The following GRK5 variants were observed in gnomAD, a reference collection of about 807,000 sequenced individuals.
The protein encoded by GRK5 is g protein-coupled receptor kinase GRK5.
A neutral mutation model predicts 78.4 loss-of-function variants in GRK5; 40 were observed. The ratio of observed to expected loss-of-function variants is 0.51; its 90% CI spans 0.40 to 0.66. The LOEUF (loss-of-function observed/expected upper bound fraction) is 0.66, where lower values mean the gene tolerates loss of function less well. GRK5 is among the 30% of genes least tolerant of loss of function. GRK5 has a pLI of 0.00. For missense variants in GRK5, 598 were observed against 759.9 expected (o/e 0.79, Z 2.50); for synonymous variants, 289 against 296.8 (o/e 0.97, Z 0.27).
In GRK5 at chr10:119,455,146, CTCTGG is replaced by C; in HGVS notation, c.*81_*85del. The C allele has an allele frequency of 2.6e-6, 3 of 1,171,430 alleles. No homozygotes were observed. The highest frequency in any genetic ancestry group is 3.8e-6 in the Non-Finnish European group (3 of 781,946). 72.6% of individuals were successfully genotyped at this position (1,171,430 alleles called of 1,614,324 possible). Reference sequence around the variant, plus strand: ...AGAAGTGGAAGTAGTGGAGCCCCTGCTCTGGTGGGGCTGCCAGGGGAGACCCCGGG... The same window carrying C: ...AGAAGTGGAAGTAGTGGAGCCCCTGCTGGGGCTGCCAGGGGAGACCCCGGG... On this transcript the variant is annotated 3_prime_UTR_variant, in exon 16 of 16. Transcript: ENST00000392870.
chr10:119,450,671 C>T (rs1161906909), intron 13 of GRK5, among the ~76,000 whole-genome samples: 8 of 152,106 alleles, frequency 5.3e-5, no homozygotes, highest in Non-Finnish European at 8.8e-5. Flanking sequence ...GAGACAGGGA[C>T]AGTTGGTCAC....
At chr10:119,345,424 C>A (rs1017402372) in intron 2 of GRK5, among the ~76,000 whole-genome samples, 4 of 152,182 alleles carry the variant, frequency 2.6e-5, no homozygotes, top group African/African-American at 9.7e-5. Context: ...GGCTTCCTAG[C>A]CTCACCGGGT....
At chr10:119,324,019 C>T (rs888398436) in intron 1 of GRK5, among the ~76,000 whole-genome samples, 2 of 152,298 alleles carry the variant, frequency 1.3e-5, no homozygotes, top group East Asian at 1.9e-4. Context: ...TGCGGGCCTC[C>T]GGTCTGGCTT....
In GRK5 at chr10:119,448,171, G is replaced by T; in HGVS notation, c.1315G>T (p.Ala439Ser). The change falls in exon 13 of 16, where the codon GCT (alanine) becomes TCT (serine). Residue 439 changes from alanine to serine, a missense_variant. Coordinates refer to ENST00000392870, the MANE Select transcript of GRK5 (RefSeq NM_005308.3). ...GAGGCTGGGCTGCCAGGAGGAGGGG[G>T]CTGCAGAGGTCAAGAGACACCCCTT... Reference protein sequence around the residue: ...KQRLGCQEEGAAEVKRHPFFR... With the variant: ...KQRLGCQEEGSAEVKRHPFFR... 6.3e-7 allele frequency: 1 copy of T among 1,579,498 alleles called. No homozygotes were observed. The highest frequency in any genetic ancestry group is 8.6e-7 in the Non-Finnish European group (1 of 1,166,838).
At chr10:119,359,143 G>A (rs1211631279) in intron 2 of GRK5, among the ~76,000 whole-genome samples, 1 of 152,214 alleles carries the variant, frequency 6.6e-6, no homozygotes, top group African/African-American at 2.4e-5. Flanking sequence ...CAGGGGGGTT[G>A]CTGGTGCTGT....
At chr10:119,414,633 A>C (rs538109399) in intron 4 of GRK5, among the ~76,000 whole-genome samples, 1 of 152,214 alleles carries the variant, frequency 6.6e-6, no homozygotes, top group African/African-American at 2.4e-5. Flanking sequence ...CAGGCCAACT[A>C]TGTGCCCTTG....
intron 3 of GRK5, among the ~76,000 whole-genome samples, chr10:119,394,292 A>T (rs957429246): frequency 1.9e-4 from 1 of 5,392 alleles, no homozygotes; most frequent in Non-Finnish European, 3.6e-4. Flanking sequence ...GTGGGTGTGT[A>T]TCTGTGTGTC....
chr10:119,440,700 G>A (rs1208027258), intron 10 of GRK5, among the ~76,000 whole-genome samples: 1 of 152,116 alleles, frequency 6.6e-6, no homozygotes, highest in East Asian at 1.9e-4. Context: ...ACAGGCACGT[G>A]CCACCACGCC....
chr10:119,244,789 T>G (rs1849078970), intron 1 of GRK5, among the ~76,000 whole-genome samples: 1 of 152,092 alleles, frequency 6.6e-6, no homozygotes, highest in African/African-American at 2.4e-5. Flanking sequence ...CTCATACCTG[T>G]TAGGACAGAT....
chr10:119,324,855 A>G (rs768214674), intron 1 of GRK5, among the ~76,000 whole-genome samples: 1 of 152,118 alleles, frequency 6.6e-6, no homozygotes, highest in African/African-American at 2.4e-5. Flanking sequence ...ATTAAACAAG[A>G]TAATGTACAG....
chr10:119,353,040 T>C (rs920996093), intron 2 of GRK5, among the ~76,000 whole-genome samples: 3 of 152,244 alleles, frequency 2.0e-5, no homozygotes, highest in Non-Finnish European at 4.4e-5. Context: ...TGGAGAGTTC[T>C]TTAAAATCAG....
At chr10:119,213,050 A>G (rs1007732479) in intron 1 of GRK5, 18 of 152,390 alleles carry the variant, frequency 1.2e-4, no homozygotes, top group African/African-American at 4.3e-4. Flanking sequence ...TTGGTGGGAA[A>G]CAGAACAGGT....
chr10:119,334,778 G>A (rs1850845321), intron 2 of GRK5: 1 of 152,064 alleles, frequency 6.6e-6, no homozygotes, highest in South Asian at 2.1e-4. Flanking sequence ...CTGTCCAAAA[G>A]CTATATAATA....
rs1256297008 is a variant in GRK5, at chr10:119,271,755, C to T, written c.53-54761C>T. 6.6e-6 allele frequency among the ~76,000 whole-genome samples: 1 copy of T among 152,194 alleles called. No individual in the cohort carries two copies. Among genetic ancestry groups the T allele is most frequent in the African/African-American group, 2.4e-5 (1 of 41,434 alleles). On this transcript the variant is annotated intron_variant, in intron 1 of 15. Coordinates refer to ENST00000392870, the MANE Select transcript of GRK5 (RefSeq NM_005308.3). This position sits in a 1 kb window ranked among gnomAD's most constrained non-coding sequence, Gnocchi z 4.1. ...GTTTAGCAGCAGGTGGACTCTGGAG[C>T]GTGACTCTGGAGTTGCCAGTCCCAG...
At position 119,373,177 on chromosome 10, in the gene GRK5, A is replaced by G. The variant is rs772954767; in HGVS notation, c.149-7638A>G. On this transcript the variant is annotated intron_variant, in intron 2 of 15. Transcript: ENST00000392870. ...TCAGTCCGTGATGGATTGGAAATTT[A>G]AAAAACTGGTTCTTTTCCATAGATA... 1.8e-4 allele frequency among the ~76,000 whole-genome samples: 28 copies of G among 152,368 alleles called. No homozygotes were observed. In the South Asian group the frequency reaches 5.4e-3, roughly 29 times the overall value.
At chr10:119,258,845 CCT>C (rs1464672181) in intron 1 of GRK5, among the ~76,000 whole-genome samples, 2 of 152,158 alleles carry the variant, frequency 1.3e-5, no homozygotes, top group Admixed American at 6.5e-5. Flanking sequence ...GAATCCATCC[CCT>C]GTCAGTTATT....
Position 119,336,937 on chromosome 10 carries a change from C to T in GRK5, c.148+10326C>T, listed in dbSNP as rs548983506. ...CGGTGTTAGTCTCACCTCCCCACTA[C>T]GGCCGGAAGCTCCTTGAAAGAGAAG... is the stretch of plus-strand genomic sequence containing the variant. On this transcript the variant is annotated intron_variant, in intron 2 of 15. Transcript: ENST00000392870. This position sits in a 1 kb window ranked among gnomAD's most constrained non-coding sequence, Gnocchi z 4.5. Among the ~76,000 whole-genome samples the T allele has an allele frequency of 2.3e-4, 35 of 152,292 alleles. No homozygotes were observed. The highest frequency in any genetic ancestry group is 6.0e-4 in the African/African-American group (25 of 41,564).
intron 11 of GRK5, 28 bp downstream of exon 11, chr10:119,442,116 C>T: frequency 6.3e-7 from 1 of 1,577,252 alleles, no homozygotes; most frequent in Non-Finnish European, 8.7e-7. Flanking sequence ...TGTGTCAATG[C>T]ACCTTGAGAC....
At chr10:119,401,847 G>A (rs1454420303) in intron 4 of GRK5, among the ~76,000 whole-genome samples, 3 of 152,212 alleles carry the variant, frequency 2.0e-5, no homozygotes, top group Non-Finnish European at 4.4e-5. Flanking sequence ...GAGCCAGTCA[G>A]GATGATTTAT....
Sources: gnomAD v4.1 joint callset for allele counts (sites outside exome capture counted in the v4.1 genomes callset) on GRCh38, gnomAD v4.1.1 for gene constraint, Gnocchi (gnomAD v3.1) non-coding constraint, MANE v1.5 for transcripts, NCBI Gene and HGNC (gene_info 2026-07-23, HGNC 2026-07-21) for gene names.